The following TNS3 variants were observed in gnomAD, a reference collection of about 807,000 sequenced individuals.
The protein encoded by TNS3 is tensin-3.
A neutral mutation model predicts 140.9 loss-of-function variants in TNS3; 45 were observed. The ratio of observed to expected loss-of-function variants is 0.32; its 90% CI spans 0.25 to 0.41. The LOEUF is 0.41. TNS3 is among the 10% of genes least tolerant of loss of function. The pLI is 1.00. For missense variants in TNS3, 1,716 were observed against 1,906.7 expected, an observed-to-expected ratio of 0.90 and a Z score of 1.86; for synonymous variants, 815 against 788.4, an observed-to-expected ratio of 1.03 and a Z score of -0.56.
intron 3 of TNS3, among the ~76,000 whole-genome samples, chr7:47,484,340 T>C (rs1429500912): frequency 6.6e-6 from 1 of 152,208 alleles, no homozygotes; most frequent in Non-Finnish European, 1.5e-5. Context: ...GCAAAAACCA[T>C]GACCAAGTGA....
chr7:47,301,060 C>G (rs1474070247), intron 23 of TNS3, among the ~76,000 whole-genome samples: 5 of 152,152 alleles, frequency 3.3e-5, no homozygotes, highest in African/African-American at 1.2e-4. Flanking sequence ...TTCTGCCACT[C>G]AACTATTCAT....
intron 8 of TNS3, 74 bp downstream of exon 8, chr7:47,435,207 CA>C: frequency 1.3e-6 from 2 of 1,575,144 alleles, no homozygotes; most frequent in Non-Finnish European, 1.7e-6. Flanking sequence ...TGCTCAGATG[CA>C]GCATTGGTCT....
chr7:47,474,867 A>G (rs1478987362), intron 4 of TNS3, among the ~76,000 whole-genome samples: 1 of 149,038 alleles, frequency 6.7e-6, no homozygotes, highest in Non-Finnish European at 1.5e-5. Flanking sequence ...CCTCACACAC[A>G]ACACTTCACA....
chr7:47,324,274 G>T (rs528181937), intron 20 of TNS3, among the ~76,000 whole-genome samples: 2 of 152,252 alleles, frequency 1.3e-5, no homozygotes, highest in South Asian at 4.1e-4. Context: ...TGGCTACTGA[G>T]AATTTTTACT....
chr7:47,374,362 C>T (rs1328831056), intron 16 of TNS3, among the ~76,000 whole-genome samples: 2 of 152,130 alleles, frequency 1.3e-5, no homozygotes, highest in African/African-American at 2.4e-5. Flanking sequence ...GTGAGGCTGG[C>T]GTTTCGTTGC....
intron 24 of TNS3, 152 bp downstream of exon 24, chr7:47,296,930 A>G: frequency 9.9e-7 from 1 of 1,011,186 alleles, no homozygotes; most frequent in Admixed American, 2.7e-5. Flanking sequence ...AATAAGGTGA[A>G]AACTTTGTAA....
At chr7:47,459,382 T>C (rs772090715) in intron 4 of TNS3, among the ~76,000 whole-genome samples, 30 of 152,178 alleles carry the variant, frequency 2.0e-4, no homozygotes, top group Admixed American at 1.3e-4. Flanking sequence ...TAAGCATATT[T>C]TATCCCCTTT....
chr7:47,465,125 T>TA (rs1796651559), intron 4 of TNS3, among the ~76,000 whole-genome samples: 1 of 152,238 alleles, frequency 6.6e-6, no homozygotes, highest in African/African-American at 2.4e-5. Flanking sequence ...ATGATTTCTT[T>TA]AAAGGCTTTA....
In TNS3 at chr7:47,400,702, G is replaced by A. The variant is rs994451807; in HGVS notation, c.853+83C>T. On this transcript the variant is annotated intron_variant, in intron 14 of 30. Transcript: ENST00000311160. ...CAGTAGGCTGAATTTTGGAAAGAGG[G>A]TAAAGGGGATAGTGAAAGAATCAAC... 2.5e-6 allele frequency: 4 copies of A among 1,573,416 alleles called. No individual in the cohort carries two copies. In the South Asian group the frequency reaches 3.5e-5, roughly 14 times the overall value.
intron 8 of TNS3, among the ~76,000 whole-genome samples, chr7:47,431,422 A>G (rs975738843): frequency 5.3e-5 from 8 of 152,046 alleles, no homozygotes; most frequent in African/African-American, 1.4e-4. Flanking sequence ...GTGAAACCCC[A>G]TCTCTATTAA....
chr7:47,438,392 G>C (rs1300789146), intron 6 of TNS3, among the ~76,000 whole-genome samples: 1 of 152,204 alleles, frequency 6.6e-6, no homozygotes, highest in Non-Finnish European at 1.5e-5. Context: ...CCAGAGAGGA[G>C]ACTCAGGATG....
intron 3 of TNS3, among the ~76,000 whole-genome samples, chr7:47,500,097 G>GCA (rs143019610): frequency 1.9e-4 from 28 of 151,294 alleles, no homozygotes; most frequent in African/African-American, 3.1e-4. Context: ...ACACACACAC[G>GCA]CACACACACA....
In TNS3 at chr7:47,407,540, A is replaced by C. The variant is rs1793517306; in HGVS notation, c.723+4187T>G. Reference sequence around the variant, plus strand: ...GCCGTCAATGGCACCTGACTGCGCTAGTAATCTTACTAAACTTTCTAGGAG... The same window carrying C: ...GCCGTCAATGGCACCTGACTGCGCTCGTAATCTTACTAAACTTTCTAGGAG... On this transcript the variant is annotated intron_variant, in intron 13 of 30. Coordinates refer to ENST00000311160, the MANE Select transcript of TNS3 (RefSeq NM_022748.12). This position sits in a 1 kb window ranked among gnomAD's most constrained non-coding sequence, Gnocchi z 4.1. Among the ~76,000 whole-genome samples the C allele has an allele frequency of 6.6e-6, 1 of 152,240 alleles. No homozygotes were observed. The highest frequency in any genetic ancestry group is 1.5e-5 in the Non-Finnish European group (1 of 68,038).
chr7:47,481,135 T>A lies in TNS3; in HGVS notation c.-108A>T. ...AGTCGGACTTGCACACCGCAGGGAA[T>A]CACCACCTTTCAAAGAGAGAAGAAA... On this transcript the variant is annotated 5_prime_UTR_variant, in exon 4 of 31. Transcript: ENST00000311160. 7.8e-7 allele frequency: 1 copy of A among 1,289,746 alleles called. No individual in the cohort carries two copies. Among genetic ancestry groups the A allele is most frequent in the South Asian group, 1.2e-5 (1 of 81,016 alleles). 79.9% of individuals were successfully genotyped at this position (1,289,746 alleles called of 1,614,324 possible). A position where few individuals can be genotyped will look rare whatever the true frequency, so the allele number is the denominator to read the frequency against.
intron 1 of TNS3, among the ~76,000 whole-genome samples, chr7:47,570,005 C>T (rs1215532876): frequency 2.0e-5 from 3 of 151,922 alleles, no homozygotes; most frequent in Non-Finnish European, 2.9e-5. Context: ...AAAAAATTAG[C>T]CAGGCGTGGT....
At chr7:47,426,342 A>T (rs1197547367) in intron 9 of TNS3, among the ~76,000 whole-genome samples, 1 of 152,230 alleles carries the variant, frequency 6.6e-6, no homozygotes, top group Non-Finnish European at 1.5e-5. Flanking sequence ...AAATGCTTAA[A>T]TACATAACAT....
At chr7:47,471,783 G>T (rs1307022164) in intron 4 of TNS3, among the ~76,000 whole-genome samples, 1 of 152,200 alleles carries the variant, frequency 6.6e-6, no homozygotes, top group African/African-American at 2.4e-5. Flanking sequence ...CGCGGCCCAT[G>T]TCTTCACCCA....
chr7:47,554,826 G>C (rs1298634786), intron 1 of TNS3, among the ~76,000 whole-genome samples: 1 of 151,664 alleles, frequency 6.6e-6, no homozygotes, highest in Non-Finnish European at 1.5e-5. Context: ...GTCAAGAGAT[G>C]GAGACCATCC....
intron 2 of TNS3, among the ~76,000 whole-genome samples, chr7:47,509,991 C>T (rs896875679): frequency 6.6e-6 from 1 of 152,244 alleles, no homozygotes; most frequent in African/African-American, 2.4e-5. Flanking sequence ...GCAGCTAATA[C>T]ACTCAGCACC....
Sources: allele counts gnomAD v4.1 joint callset (sites outside exome capture counted in the v4.1 genomes callset), GRCh38; gene constraint gnomAD v4.1.1; non-coding constraint Gnocchi (gnomAD v3.1); transcripts MANE v1.5; gene names NCBI Gene and HGNC (gene_info 2026-07-23, HGNC 2026-07-21).